Variants in FAF1 observed in about 807,000 individuals in gnomAD.
FAF1 encodes Fas associated factor 1, also known as FAS-associated factor 1.
Under a neutral mutation model 92.5 loss-of-function variants are expected in FAF1, and 25 were observed. The ratio of observed to expected loss-of-function variants is 0.27; its 90% confidence interval spans 0.20 to 0.38. The LOEUF (loss-of-function observed/expected upper bound fraction) is 0.38, where lower values mean the gene tolerates loss of function less well. Among genes scored for constraint, FAF1 ranks in the 10% least tolerant of loss-of-function variants. The pLI is 1.00. For synonymous variants in FAF1, 234 were observed against 273.2 expected (o/e 0.86, Z 1.42); for missense variants, 636 against 793.3 (o/e 0.80, Z 2.38).
chr1:50,803,022 T>A (rs1388091758), intron 2 of FAF1, among the ~76,000 whole-genome samples: 1 of 152,190 alleles, frequency 6.6e-6, no homozygotes, highest in Admixed American at 6.5e-5. Flanking sequence ...AACAAATCCA[T>A]AGATTAACAT....
At chr1:50,820,315 G>A (rs893614315) in intron 2 of FAF1, among the ~76,000 whole-genome samples, 1 of 152,108 alleles carries the variant, frequency 6.6e-6, no homozygotes, top group African/African-American at 2.4e-5. Context: ...TGTGATGTTG[G>A]TGATGTTTTT....
intron 1 of FAF1, among the ~76,000 whole-genome samples, chr1:50,860,975 G>A (rs1369112746): frequency 1.3e-5 from 2 of 151,810 alleles, no homozygotes; most frequent in African/African-American, 4.8e-5. Flanking sequence ...GCGAATTAAT[G>A]CAGAAAGAAA....
chr1:50,464,374 A>G (rs1255998097), intron 18 of FAF1, among the ~76,000 whole-genome samples: 1 of 152,158 alleles, frequency 6.6e-6, no homozygotes, highest in Non-Finnish European at 1.5e-5. Context: ...TGAAAGAACC[A>G]GTTTAGTGTG....
At chr1:50,639,731 C>A (rs1383961999) in intron 8 of FAF1, among the ~76,000 whole-genome samples, 1 of 151,896 alleles carries the variant, frequency 6.6e-6, no homozygotes, top group Non-Finnish European at 1.5e-5. Flanking sequence ...GTCAGGAGTT[C>A]AAGACCAGCC....
intron 13 of FAF1, among the ~76,000 whole-genome samples, chr1:50,548,582 A>G (rs898582006): frequency 5.3e-5 from 8 of 152,228 alleles, no homozygotes; most frequent in African/African-American, 1.9e-4. Context: ...TACAGTCTTC[A>G]GGGCCCTTTT....
chr1:50,738,546 G>T (rs1659234203), intron 6 of FAF1, among the ~76,000 whole-genome samples: 1 of 151,852 alleles, frequency 6.6e-6, no homozygotes, highest in Non-Finnish European at 1.5e-5. Context: ...CAATGAGAGA[G>T]ATTGGAACTC....
chr1:50,905,083 G>C (rs568194042), intron 1 of FAF1, among the ~76,000 whole-genome samples: 103 of 152,194 alleles, frequency 6.8e-4, no homozygotes, highest in Non-Finnish European at 1.1e-3. Context: ...TCCCCACCCT[G>C]TGTCCAAGTG....
chr1:50,860,356 T>A (rs1206613894), intron 1 of FAF1, among the ~76,000 whole-genome samples: 1 of 151,502 alleles, frequency 6.6e-6, no homozygotes, highest in Non-Finnish European at 1.5e-5. Context: ...AAACTACACA[T>A]GTGACAAGAT....
Position 50,567,137 on chromosome 1 carries a change from T to G in FAF1, c.1208A>C (p.Tyr403Ser). 3 of 1,610,438 alleles carry G rather than the reference T, an allele frequency of 1.9e-6. No individual in the cohort carries two copies. In the South Asian group the frequency reaches 3.3e-5, roughly 18 times the overall value. The change falls in exon 13 of 19, where the codon TAT becomes TCT. Residue 403 changes from tyrosine to serine, a missense_variant. Tyr to Ser is a moderately radical substitution (Grantham distance 144). Transcript: ENST00000396153. ...CCAGGTTATAAAATTTTGACTCAGA[T>G]AAGAAACAATGGATTCAGCACAAAG... ...QMLCAESIVSYLSQNFITWAW... is the reference protein window; with the variant it reads ...QMLCAESIVSSLSQNFITWAW...
chr1:50,532,519 C>T (rs1015291586), intron 15 of FAF1, among the ~76,000 whole-genome samples: 1 of 152,222 alleles, frequency 6.6e-6, no homozygotes, highest in Admixed American at 6.5e-5. Context: ...AGGCAAAACA[C>T]CTATTATTAC....
intron 1 of FAF1, among the ~76,000 whole-genome samples, chr1:50,873,220 T>C (rs1335277076): frequency 6.6e-6 from 1 of 152,214 alleles, no homozygotes; most frequent in African/African-American, 2.4e-5. Flanking sequence ...ATGGGCTACA[T>C]AATAGTGTAA....
intron 2 of FAF1, among the ~76,000 whole-genome samples, chr1:50,840,050 G>GA (rs1187079580): frequency 2.6e-5 from 4 of 151,572 alleles, no homozygotes; most frequent in Non-Finnish European, 5.9e-5. Flanking sequence ...CCATTTGGCA[G>GA]AAAAAAATAA....
intron 8 of FAF1, among the ~76,000 whole-genome samples, chr1:50,624,728 T>C (rs1653410649): frequency 6.6e-6 from 1 of 152,190 alleles, no homozygotes; most frequent in Non-Finnish European, 1.5e-5. Flanking sequence ...AGCATTACCA[T>C]ATCTCTAACT....
chr1:50,566,030 T>C (rs1650161690), intron 13 of FAF1, among the ~76,000 whole-genome samples: 1 of 152,088 alleles, frequency 6.6e-6, no homozygotes, highest in African/African-American at 2.4e-5. Context: ...CTAAAGATTC[T>C]TTATTTATGT....
At chr1:50,491,226 C>T (rs569629020) in intron 16 of FAF1, among the ~76,000 whole-genome samples, 1 of 152,342 alleles carries the variant, frequency 6.6e-6, no homozygotes, top group Non-Finnish European at 1.5e-5. Context: ...GAACTCAGTG[C>T]TTCCCTTAGG....
chr1:50,445,658 C>T (rs1396295475), intron 18 of FAF1, among the ~76,000 whole-genome samples: 2 of 152,130 alleles, frequency 1.3e-5, no homozygotes, highest in Admixed American at 1.3e-4. Context: ...TTACTTGGGA[C>T]TTTACTGAAT....
intron 8 of FAF1, among the ~76,000 whole-genome samples, chr1:50,600,416 T>C (rs6679854): frequency 0.23 from 35,347 of 152,104 alleles, 4,538 homozygotes; most frequent in Middle Eastern, 0.43. Flanking sequence ...CCAATGTATC[T>C]TACTGTGACA....
intron 1 of FAF1, among the ~76,000 whole-genome samples, chr1:50,860,934 A>G (rs1644427158): frequency 6.6e-6 from 1 of 152,000 alleles, no homozygotes; most frequent in Admixed American, 6.6e-5. Flanking sequence ...CTTTGCAGCA[A>G]CATGGGTTAA....
intron 4 of FAF1, among the ~76,000 whole-genome samples, chr1:50,767,023 C>G (rs1383931427): frequency 6.6e-6 from 1 of 152,008 alleles, no homozygotes; most frequent in Non-Finnish European, 1.5e-5. Context: ...GAATGAAGAT[C>G]ATCAAGATTC....
Sources: allele counts gnomAD v4.1 joint callset (sites outside exome capture counted in the v4.1 genomes callset), GRCh38; gene constraint gnomAD v4.1.1; transcripts MANE v1.5; gene names NCBI Gene and HGNC (gene_info 2026-07-23, HGNC 2026-07-21).